TTC1: variants seen among roughly 807,000 people sequenced by gnomAD.
TTC1 encodes the protein tetratricopeptide repeat protein 1.
In TTC1, 31 loss-of-function variants were observed where a neutral mutation model predicts 37.6. The observed-to-expected ratio is 0.82, with a 90% confidence interval of 0.62 to 1.11. The LOEUF is 1.11. Among genes scored for constraint, TTC1 ranks in the 50% most tolerant of loss-of-function variants. TTC1 has a pLI of 0.00. For synonymous variants in TTC1, 127 were observed against 122.4 expected (o/e 1.04, Z -0.25); for missense variants, 351 against 339.0 (o/e 1.04, Z -0.28).
intron 5 of TTC1, among the ~76,000 whole-genome samples, chr5:160,047,092 T>A (rs960379682): frequency 6.6e-6 from 1 of 152,210 alleles, no homozygotes; most frequent in Non-Finnish European, 1.5e-5. Flanking sequence ...CCAAAATTCA[T>A]GAATTTTAAA....
rs377211816 is a variant in TTC1 at position 160,036,724 on chromosome 5, C to T, written c.425C>T (p.Ala142Val). ...GAAGCTGAAAGTTCTTATAGTCGAG[C>T]CCTCGAAATGTGCCCATCCTGCTTC... ...YIEAESSYSR[A>V]LEMCPSCFQK... The change falls in exon 4 of 8, where the codon GCC becomes GTC. Residue 142 changes from alanine to valine, a missense_variant. Transcript: ENST00000231238. 1.2e-6 allele frequency: 2 copies of T among 1,613,690 alleles called. No individual in the cohort carries two copies. Among genetic ancestry groups the T allele is most frequent in the East Asian group, 2.2e-5 (1 of 44,880 alleles).
chr5:160,064,223 C>T (rs1284726313), intron 7 of TTC1, among the ~76,000 whole-genome samples: 1 of 152,172 alleles, frequency 6.6e-6, no homozygotes, highest in Non-Finnish European at 1.5e-5. Context: ...CCCATCTCGG[C>T]CTCCCAAAGT....
intron 2 of TTC1, among the ~76,000 whole-genome samples, chr5:160,021,515 A>G (rs1054267650): frequency 3.9e-5 from 6 of 152,210 alleles, no homozygotes; most frequent in African/African-American, 1.2e-4. Context: ...ACAAGGGACT[A>G]TTTCCAAGAT....
chr5:160,012,342 C>G (rs940483354), intron 2 of TTC1, among the ~76,000 whole-genome samples: 1 of 151,710 alleles, frequency 6.6e-6, no homozygotes, highest in African/African-American at 2.4e-5. Flanking sequence ...GAAAATCATA[C>G]TTTAAGTTCT....
chr5:160,056,526 C>T (rs1056190081), intron 7 of TTC1, among the ~76,000 whole-genome samples: 1 of 152,100 alleles, frequency 6.6e-6, no homozygotes, highest in Non-Finnish European at 1.5e-5. Context: ...GAGTTCAAGA[C>T]CAGCCTAGGC....
At chr5:160,050,186 G>A (rs1239466638) in intron 6 of TTC1, among the ~76,000 whole-genome samples, 3 of 152,138 alleles carry the variant, frequency 2.0e-5, no homozygotes, top group East Asian at 1.9e-4. Flanking sequence ...AGTGGCTCAC[G>A]CCTGTACTCC....
At chr5:160,031,794 G>A (rs1328804861) in intron 2 of TTC1, among the ~76,000 whole-genome samples, 1 of 151,996 alleles carries the variant, frequency 6.6e-6, no homozygotes, top group African/African-American at 2.4e-5. Context: ...TTGAGCCCAG[G>A]AGTTCAAGAC....
At chr5:160,049,307 G>A (rs904063859) in intron 5 of TTC1, among the ~76,000 whole-genome samples, 7 of 152,046 alleles carry the variant, frequency 4.6e-5, no homozygotes, top group South Asian at 4.1e-4. Flanking sequence ...GAGGAGCTGC[G>A]ACACAGATGG....
In TTC1 at chr5:160,057,942, A is replaced by G. The variant is rs1443058914; in HGVS notation, c.745+6759A>G. On this transcript the variant is annotated intron_variant, in intron 7 of 7. Coordinates refer to ENST00000231238, the MANE Select transcript of TTC1 (RefSeq NM_003314.3). The surrounding 1 kb of genome is among the most constrained non-coding windows in gnomAD (Gnocchi z 4.4). ...GCCACCACACCCAGCTAATTTTTCT[A>G]TTTTTGTAGAGATGGGTTTTCACCA... Among the ~76,000 whole-genome samples, 5 of 151,922 alleles carry G rather than the reference A, an allele frequency of 3.3e-5. No individual in the cohort carries two copies. Among genetic ancestry groups the G allele is most frequent in the African/African-American group, 1.2e-4 (5 of 41,366 alleles).
At chr5:160,041,166 T>C (rs1336559173) in intron 4 of TTC1, among the ~76,000 whole-genome samples, 1 of 152,168 alleles carries the variant, frequency 6.6e-6, no homozygotes, top group African/African-American at 2.4e-5. Flanking sequence ...ATACTTCCGA[T>C]AGGACCTGCC....
rs554656141 is a variant in TTC1 at position 160,037,444 on chromosome 5, A to AGTG, written c.504+643_504+645dup. On this transcript the variant is annotated intron_variant, in intron 4 of 7. Transcript: ENST00000231238. ...TAAAAGTTAGATTTGGGCCAGATGC[A>AGTG]GTGGCTCACACCCGTAAACCCAGCA... is the stretch of plus-strand genomic sequence containing the variant. Among the ~76,000 whole-genome samples the AGTG allele has an allele frequency of 3.3e-5, 5 of 152,308 alleles. No homozygotes were observed. In the South Asian group the frequency reaches 1.0e-3, roughly 32 times the overall value.
At position 160,032,738 on chromosome 5, in the gene TTC1, G is replaced by A. The variant is rs560105242; in HGVS notation, c.331-2402G>A. Among the ~76,000 whole-genome samples, 8 of 100,304 alleles carry A rather than the reference G, an allele frequency of 8.0e-5. 1 individual carries two copies. The highest frequency in any genetic ancestry group is 6.4e-4 in the South Asian group (2 of 3,118). 65.8% of individuals were successfully genotyped at this position (100,304 alleles called of 152,430 possible). On this transcript the variant is annotated intron_variant, in intron 2 of 7. Coordinates refer to ENST00000231238, the MANE Select transcript of TTC1 (RefSeq NM_003314.3). ...TTTTTTTTTTTTTTTTTTTTGAGAC[G>A]GAGTCTCACTCTGTCGCCAGGCTAG...
intron 4 of TTC1, among the ~76,000 whole-genome samples, chr5:160,038,659 CTTTTTTTTTTTTT>C (rs541012506): frequency 1.7e-5 from 2 of 120,188 alleles, no homozygotes; most frequent in African/African-American, 3.0e-5. Flanking sequence ...AGTTGCGTTT[CTTTTTTTTTTTTT>C]TTTTTTTTGA....
intron 1 of TTC1, among the ~76,000 whole-genome samples, chr5:160,009,620 C>T (rs1253029255): frequency 6.7e-6 from 1 of 148,874 alleles, no homozygotes; most frequent in African/African-American, 2.4e-5. Flanking sequence ...ATAAATAAAC[C>T]TGATGCCCTT....
At position 160,018,008 on chromosome 5, in the gene TTC1, A is replaced by G. The variant is rs866511938; in HGVS notation, c.330+7150A>G. On this transcript the variant is annotated intron_variant, in intron 2 of 7. Transcript: ENST00000231238. ...TTGGAAGGATGGTGCTATGGTTTGA[A>G]TGTTTTCCTCCAAAATTCATGTTGA... is the stretch of plus-strand genomic sequence containing the variant. 4.6e-5 allele frequency among the ~76,000 whole-genome samples: 7 copies of G among 152,296 alleles called. No homozygotes were observed. In the South Asian group the frequency reaches 8.3e-4, roughly 18 times the overall value.
chr5:160,023,080 C>T (rs1327861598), intron 2 of TTC1, among the ~76,000 whole-genome samples: 1 of 151,912 alleles, frequency 6.6e-6, no homozygotes, highest in Non-Finnish European at 1.5e-5. Context: ...AAGGTGAAAC[C>T]CCATCTCTAC....
intron 2 of TTC1, among the ~76,000 whole-genome samples, chr5:160,034,747 G>A (rs1756973211): frequency 2.0e-5 from 3 of 152,112 alleles, no homozygotes; most frequent in Admixed American, 2.0e-4. Context: ...CTTGTCCGAG[G>A]CCACATAACT....
chr5:160,051,964 C>T (rs1757413318), intron 7 of TTC1, among the ~76,000 whole-genome samples: 1 of 152,198 alleles, frequency 6.6e-6, no homozygotes, highest in Admixed American at 6.5e-5. Flanking sequence ...ATAAATTGAG[C>T]CTGTCTGGCA....
intron 2 of TTC1, among the ~76,000 whole-genome samples, chr5:160,031,614 A>C (rs1389842183): frequency 6.6e-6 from 1 of 151,594 alleles, no homozygotes; most frequent in Non-Finnish European, 1.5e-5. Context: ...ACTCTGTCTC[A>C]AAAAAAATAA....
Sources: allele counts gnomAD v4.1 joint callset (sites outside exome capture counted in the v4.1 genomes callset), GRCh38; gene constraint gnomAD v4.1.1; non-coding constraint Gnocchi (gnomAD v3.1); transcripts MANE v1.5; gene names NCBI Gene and HGNC (gene_info 2026-07-23, HGNC 2026-07-21).